The following GRM7 variants were observed in gnomAD, a reference collection of about 807,000 sequenced individuals.
GRM7 encodes the protein glutamate metabotropic receptor 7, also known as metabotropic glutamate receptor 7.
GRM7 carries 35 observed loss-of-function variants against 84.5 expected under a neutral mutation model. That is an observed-to-expected ratio of 0.41 (90% confidence interval 0.32 to 0.55). The LOEUF (loss-of-function observed/expected upper bound fraction) is 0.55, where lower values mean the gene tolerates loss of function less well. GRM7 is among the 20% of genes least tolerant of loss of function. The pLI is 0.19. For missense variants in GRM7, 1,003 were observed against 1,194.6 expected (o/e 0.84, Z 2.36); for synonymous variants, 487 against 455.1 (o/e 1.07, Z -0.89).
At chr3:7,005,747 C>T (rs979177956) in intron 1 of GRM7, among the ~76,000 whole-genome samples, 42 of 152,052 alleles carry the variant, frequency 2.8e-4, no homozygotes, top group African/African-American at 1.9e-4. Context: ...CCAGATGCAC[C>T]GAAAATGACA....
At chr3:7,019,846 A>G (rs1406601738) in intron 1 of GRM7, among the ~76,000 whole-genome samples, 4 of 152,234 alleles carry the variant, frequency 2.6e-5, no homozygotes, top group African/African-American at 9.6e-5. Context: ...TTCACCATGA[A>G]AGGCTTCAGA....
rs187838671 is a variant in GRM7, at chr3:7,576,450, C to G, written c.1516-1972C>G. ...TTATGCTATTTTACCAAGTTTAACT[C>G]CTGAGCCATTTATTTTTCCAAGTTA... On this transcript the variant is annotated intron_variant, in intron 7 of 9. Transcript: ENST00000357716. 2.3e-4 allele frequency among the ~76,000 whole-genome samples: 35 copies of G among 152,314 alleles called. 1 individual carries two copies. In the East Asian group the frequency reaches 6.0e-3, roughly 26 times the overall value.
intron 1 of GRM7, among the ~76,000 whole-genome samples, chr3:6,944,001 G>A (rs551876927): frequency 6.6e-6 from 1 of 151,866 alleles, no homozygotes; most frequent in Non-Finnish European, 1.5e-5. Flanking sequence ...TAGAAATATT[G>A]TACATTTGGT....
intron 1 of GRM7, among the ~76,000 whole-genome samples, chr3:6,952,712 T>TTTTTGTTTTG (rs901814847): frequency 1.3e-5 from 2 of 152,208 alleles, no homozygotes; most frequent in Non-Finnish European, 2.9e-5. Flanking sequence ...ATTGTTTTGC[T>TTTTTGTTTTG]TTTTGTTTTG....
At chr3:7,007,838 G>A (rs1695232023) in intron 1 of GRM7, among the ~76,000 whole-genome samples, 1 of 152,158 alleles carries the variant, frequency 6.6e-6, no homozygotes, top group African/African-American at 2.4e-5. Flanking sequence ...AAACTGCACA[G>A]AGGTTTGAGA....
chr3:6,948,083 C>T (rs186478378), intron 1 of GRM7, among the ~76,000 whole-genome samples: 2 of 152,058 alleles, frequency 1.3e-5, no homozygotes, highest in African/African-American at 2.4e-5. Flanking sequence ...TTAGTTATTT[C>T]TTGCCTTCTT....
At chr3:7,121,423 A>C (rs373654412) in intron 1 of GRM7, among the ~76,000 whole-genome samples, 1 of 152,190 alleles carries the variant, frequency 6.6e-6, no homozygotes, top group South Asian at 2.1e-4. Flanking sequence ...GGTACTTTAC[A>C]TGCCACATGA....
intron 1 of GRM7, among the ~76,000 whole-genome samples, chr3:7,068,752 A>G (rs922682623): frequency 6.6e-6 from 1 of 151,980 alleles, no homozygotes; most frequent in Non-Finnish European, 1.5e-5. Flanking sequence ...CAATGCATAT[A>G]TTTCATTCCA....
At chr3:7,070,069 A>G (rs1697808927) in intron 1 of GRM7, among the ~76,000 whole-genome samples, 1 of 152,122 alleles carries the variant, frequency 6.6e-6, no homozygotes, top group African/African-American at 2.4e-5. Flanking sequence ...TCCTTTGACA[A>G]ATGTTTATAT....
chr3:7,467,334 G>T (rs951265072), intron 7 of GRM7, among the ~76,000 whole-genome samples: 1 of 152,096 alleles, frequency 6.6e-6, no homozygotes, highest in Admixed American at 6.5e-5. Context: ...TAATCAGTCC[G>T]CCTGAGCCTC....
At chr3:7,724,026 G>A (rs769334151) in intron 9 of GRM7, among the ~76,000 whole-genome samples, 13 of 152,102 alleles carry the variant, frequency 8.5e-5, no homozygotes, top group African/African-American at 1.2e-4. Flanking sequence ...CATGAGAAAC[G>A]AAGACAACAG....
At chr3:6,911,083 C>T (rs1203344037) in intron 1 of GRM7, among the ~76,000 whole-genome samples, 1 of 152,088 alleles carries the variant, frequency 6.6e-6, no homozygotes, top group African/African-American at 2.4e-5. Context: ...TTAGCCCCCT[C>T]ATAGGAGCTT....
At chr3:7,066,187 A>T (rs1260448795) in intron 1 of GRM7, among the ~76,000 whole-genome samples, 1 of 151,914 alleles carries the variant, frequency 6.6e-6, no homozygotes, top group African/African-American at 2.4e-5. Context: ...AGCAGAACTA[A>T]ATGAAATGGA....
chr3:7,080,144 C>T (rs75442424), intron 1 of GRM7, among the ~76,000 whole-genome samples: 6,381 of 152,036 alleles, frequency 0.042, 138 homozygotes, highest in Middle Eastern at 0.088. Flanking sequence ...CAAACCTCTC[C>T]GAACTGTCTT....
At chr3:6,952,899 G>C (rs2125071318) in intron 1 of GRM7, among the ~76,000 whole-genome samples, 1 of 152,278 alleles carries the variant, frequency 6.6e-6, no homozygotes, top group South Asian at 2.1e-4. Context: ...AGGTTTCCCT[G>C]TGGATTTTTC....
intron 4 of GRM7, among the ~76,000 whole-genome samples, chr3:7,336,202 A>G (rs1318522634): frequency 6.6e-6 from 1 of 152,094 alleles, no homozygotes; most frequent in Non-Finnish European, 1.5e-5. Flanking sequence ...GCCACGATCA[A>G]GTGGATTTCA....
chr3:7,654,470 A>G (rs1166663301), intron 8 of GRM7, among the ~76,000 whole-genome samples: 1 of 152,144 alleles, frequency 6.6e-6, no homozygotes, highest in African/African-American at 2.4e-5. Context: ...AAACTCCTCA[A>G]ATGGAGGGAA....
intron 5 of GRM7, among the ~76,000 whole-genome samples, chr3:7,432,201 A>G (rs1696858051): frequency 6.6e-6 from 1 of 152,226 alleles, no homozygotes. Flanking sequence ...ATTTTAAATT[A>G]AAATTAATCA....
In GRM7 at chr3:7,506,183, G is replaced by T. The variant is rs151011367; in HGVS notation, c.1515+44461G>T. ...CCCTCAGGCACAGGCACAGTTCATTGTTACCTAATAACAAGGTGGAGGAGG... is the reference window on the plus strand; with the variant it reads ...CCCTCAGGCACAGGCACAGTTCATTTTTACCTAATAACAAGGTGGAGGAGG... On this transcript the variant is annotated intron_variant, in intron 7 of 9. Coordinates refer to ENST00000357716, the MANE Select transcript of GRM7 (RefSeq NM_000844.4). Among the ~76,000 whole-genome samples, 861 of 152,178 alleles carry T rather than the reference G, an allele frequency of 5.7e-3. 2 individuals carry two copies. The highest frequency in any genetic ancestry group is 9.2e-3 in the Non-Finnish European group (623 of 67,994).
Sources: gnomAD v4.1 joint callset for allele counts (sites outside exome capture counted in the v4.1 genomes callset) on GRCh38, gnomAD v4.1.1 for gene constraint, MANE v1.5 for transcripts, NCBI Gene and HGNC (gene_info 2026-07-23, HGNC 2026-07-21) for gene names.